The following ZNF69 variants were observed in gnomAD, a reference collection of about 807,000 sequenced individuals.
ZNF69 encodes zinc finger protein 69, also known as ZNF3.
Under a neutral mutation model 50.9 loss-of-function variants are expected in ZNF69, and 47 were observed. The ratio of observed to expected loss-of-function variants is 0.92; its 90% CI spans 0.73 to 1.18. The LOEUF (loss-of-function observed/expected upper bound fraction) is 1.18. Among genes scored for constraint, ZNF69 ranks in the 50% most tolerant of loss-of-function variants. The pLI is 0.00. For synonymous variants in ZNF69, 216 were observed against 223.1 expected (o/e 0.97, Z 0.29); for missense variants, 717 against 675.1 (o/e 1.06, Z -0.69).
rs577985168 is a variant in ZNF69 at position 11,895,511 on chromosome 19, A to T, written c.63+7525A>T. Among the ~76,000 whole-genome samples, 5 of 152,300 alleles carry T rather than the reference A, an allele frequency of 3.3e-5. No homozygotes were observed. In the South Asian group the frequency reaches 1.0e-3, roughly 32 times the overall value. On this transcript the variant is annotated intron_variant, in intron 1 of 3. Coordinates refer to ENST00000429654, the MANE Select transcript of ZNF69 (RefSeq NM_001364730.1). ...ATACTGTGATTAAGAGGTGGTCTGT[A>T]CCATCCATGTGGGGTGTAAGGGTCA...
chr19:11,907,272 T>G (rs1275854982), downstream of ZNF69, among the ~76,000 whole-genome samples: 13 of 152,178 alleles, frequency 8.5e-5, no homozygotes, highest in Non-Finnish European at 1.8e-4. Context: ...TCAGGAGAAC[T>G]TCCCCAACCT....
At chr19:11,963,780 C>A in the ZNF69 span, among the ~76,000 whole-genome samples, 5,282 of 152,206 alleles carry the variant, frequency 0.035, 335 homozygotes, top group African/African-American at 0.12. Flanking sequence ...TAGATCCGCG[C>A]TGCTGTAGAG....
the ZNF69 span, among the ~76,000 whole-genome samples, chr19:11,974,885 G>A: frequency 6.6e-6 from 1 of 152,152 alleles, no homozygotes; most frequent in Non-Finnish European, 1.5e-5. Context: ...TTACAGGCAT[G>A]AGCCACCACA....
chr19:11,974,656 G>A, the ZNF69 span, among the ~76,000 whole-genome samples: 1 of 151,986 alleles, frequency 6.6e-6, no homozygotes, highest in South Asian at 2.1e-4. Flanking sequence ...AGGCTGGAGT[G>A]CGGGGGCATG....
At chr19:11,940,819 G>A in the ZNF69 span, among the ~76,000 whole-genome samples, 252 of 152,218 alleles carry the variant, frequency 1.7e-3, 2 homozygotes, top group African/African-American at 5.7e-3. Flanking sequence ...TAGACACAAA[G>A]GTTCTCCACG....
chr19:11,928,669 T>C, the ZNF69 span, among the ~76,000 whole-genome samples: 1 of 145,394 alleles, frequency 6.9e-6, no homozygotes, highest in South Asian at 2.1e-4. Flanking sequence ...GAGGCGGAGC[T>C]TGCAGTGAGC....
chr19:11,908,106 C>T (rs1422120637), downstream of ZNF69, among the ~76,000 whole-genome samples: 1 of 152,166 alleles, frequency 6.6e-6, no homozygotes, highest in African/African-American at 2.4e-5. Context: ...GGGATCAATT[C>T]AACAAGAAGA....
At chr19:11,941,441 G>A in the ZNF69 span, among the ~76,000 whole-genome samples, 3 of 152,230 alleles carry the variant, frequency 2.0e-5, no homozygotes, top group East Asian at 1.9e-4. Context: ...GCCCTGCCCC[G>A]TGGGAAGGCA....
the ZNF69 span, among the ~76,000 whole-genome samples, chr19:11,934,909 G>A: frequency 4.0e-4 from 59 of 147,412 alleles, 3 homozygotes; most frequent in East Asian, 2.6e-3. Context: ...GGTCGGGTGC[G>A]GTGGCTCACG....
the ZNF69 span, among the ~76,000 whole-genome samples, chr19:11,930,661 T>A: frequency 4.0e-5 from 6 of 148,502 alleles, no homozygotes; most frequent in Middle Eastern, 6.8e-3. Flanking sequence ...ACCACTTGTA[T>A]CATTGGCTGA....
At chr19:11,954,163 C>T in the ZNF69 span, among the ~76,000 whole-genome samples, 5 of 152,076 alleles carry the variant, frequency 3.3e-5, no homozygotes, top group Admixed American at 6.6e-5. Flanking sequence ...ACCCACCCAA[C>T]AATAAGACAA....
In ZNF69 at chr19:11,905,487, A is replaced by T; in HGVS notation, c.1090A>T (p.Ile364Leu). ...HSGERPYECK[I>L]CGKGFCSANS... The stretch of plus-strand genomic sequence containing the variant: ...TGGAGAAAGACCTTATGAATGTAAG[A>T]TATGTGGGAAAGGCTTTTGTTCTGC... Residue 364 changes from isoleucine to leucine, a missense_variant, in exon 4 of 4, where the codon ATA (isoleucine) becomes TTA (leucine). By Grantham distance (5) the Ile-to-Leu change is conservative. Coordinates refer to ENST00000429654, the MANE Select transcript of ZNF69 (RefSeq NM_001364730.1). The T allele has an allele frequency of 1.2e-6, 2 of 1,613,888 alleles. No homozygotes were observed. The highest frequency in any genetic ancestry group is 1.7e-6 in the Non-Finnish European group (2 of 1,179,946).
rs1218466952 is a variant in ZNF69 at position 11,887,886 on chromosome 19, T to C, written c.-38T>C. Reference sequence around the variant, plus strand: ...TTTCCAGCCCCGAGAGGGACCTGGTTCCTCTGCCCAGGCTTCTGTCACTCT... The same window carrying C: ...TTTCCAGCCCCGAGAGGGACCTGGTCCCTCTGCCCAGGCTTCTGTCACTCT... On this transcript the variant is annotated 5_prime_UTR_variant, in exon 1 of 4. Coordinates refer to ENST00000429654, the MANE Select transcript of ZNF69 (RefSeq NM_001364730.1). The C allele has an allele frequency of 6.3e-7, 1 of 1,593,490 alleles. No individual in the cohort carries two copies. Among genetic ancestry groups the C allele is most frequent in the Non-Finnish European group, 8.6e-7 (1 of 1,164,448 alleles).
intron 1 of ZNF69, among the ~76,000 whole-genome samples, chr19:11,896,577 C>T (rs1205494111): frequency 6.6e-6 from 1 of 152,034 alleles, no homozygotes; most frequent in Admixed American, 6.6e-5. Context: ...AGCCGGCTCT[C>T]CTGTGTCTTC....
exon 5 of ZNF69, chr19:11,914,185 A>G (rs1404163323): frequency 6.6e-6 from 1 of 152,158 alleles, no homozygotes; most frequent in Non-Finnish European, 1.5e-5. Flanking sequence ...GTGTGGTGGC[A>G]TGCTCCTGTA....
the ZNF69 span, among the ~76,000 whole-genome samples, chr19:11,955,950 A>T: frequency 6.6e-6 from 1 of 152,190 alleles, no homozygotes; most frequent in African/African-American, 2.4e-5. Flanking sequence ...AATTCAGATA[A>T]TATGATTAAA....
At chr19:11,891,930 A>G (rs1287086669) in intron 1 of ZNF69, among the ~76,000 whole-genome samples, 1 of 152,120 alleles carries the variant, frequency 6.6e-6, no homozygotes, top group Non-Finnish European at 1.5e-5. Context: ...AAATAAATAT[A>G]ATAGGATTGC....
chr19:11,905,752 C>T lies in ZNF69; in HGVS notation c.1355C>T (p.Ala452Val), dbSNP rs760449743. The T allele has an allele frequency of 6.2e-7, 1 of 1,613,458 alleles. No individual in the cohort carries two copies. The highest frequency in any genetic ancestry group is 2.2e-5 in the East Asian group (1 of 44,792). ...KPYECQECGK[A>V]FRSMKNLQSH... Reference sequence around the variant, plus strand: ...TATGAATGTCAGGAATGTGGGAAAGCCTTCAGATCTATGAAGAACCTTCAA... The same window carrying T: ...TATGAATGTCAGGAATGTGGGAAAGTCTTCAGATCTATGAAGAACCTTCAA... The change falls in exon 4 of 4, where the codon GCC (alanine) becomes GTC (valine). Residue 452 changes from alanine (A) to valine (V), a missense_variant. Ala to Val is a moderately conservative substitution (Grantham distance 64). Transcript: ENST00000429654.
chr19:11,975,672 G>A, the ZNF69 span, among the ~76,000 whole-genome samples: 2 of 316 alleles, frequency 6.3e-3, no homozygotes, highest in African/African-American at 0.013. Flanking sequence ...GTGAGCCACC[G>A]CACCCCGGCC....
Sources: allele counts gnomAD v4.1 joint callset (sites outside exome capture counted in the v4.1 genomes callset), GRCh38; gene constraint gnomAD v4.1.1; transcripts MANE v1.5; gene names NCBI Gene and HGNC (gene_info 2026-07-23, HGNC 2026-07-21).